XIRP2: variants seen among roughly 807,000 people sequenced by gnomAD.
The protein encoded by XIRP2 is xin actin-binding repeat-containing protein 2.
In XIRP2, 236 loss-of-function variants were observed where a neutral mutation model predicts 277.0. The ratio of observed to expected loss-of-function variants is 0.85; its 90% CI spans 0.77 to 0.95. The LOEUF is 0.95. Among genes scored for constraint, XIRP2 ranks in the 40% least tolerant of loss-of-function variants. XIRP2 has a pLI of 0.00. For synonymous variants in XIRP2, 1,490 were observed against 1,416.5 expected, an observed-to-expected ratio of 1.05 and a Z score of -1.17; for missense variants, 4,640 against 4,157.5, an observed-to-expected ratio of 1.12 and a Z score of -3.19.
chr2:167,050,477 T>C (rs1574205202), intron 2 of XIRP2, among the ~76,000 whole-genome samples: 1 of 152,112 alleles, frequency 6.6e-6, no homozygotes, highest in East Asian at 1.9e-4. Context: ...GCCCAGAGTA[T>C]GAAAATTGGA....
intron 3 of XIRP2, among the ~76,000 whole-genome samples, chr2:167,136,348 A>G (rs1265943802): frequency 2.0e-5 from 3 of 152,204 alleles, no homozygotes; most frequent in Non-Finnish European, 4.4e-5. Flanking sequence ...GCACTTGACC[A>G]TAATCTGACT....
rs150164049 is a variant in XIRP2 at position 167,218,952 on chromosome 2, A to T, written c.858+652A>T. ...CAGACTTTGAAAAATGTTAATAGTAATTACACTGTAAACAGGTGTACTTAG... is the reference window on the plus strand; with the variant it reads ...CAGACTTTGAAAAATGTTAATAGTATTTACACTGTAAACAGGTGTACTTAG... On this transcript the variant is annotated intron_variant, in intron 5 of 10. Coordinates refer to ENST00000409195, the MANE Select transcript of XIRP2 (RefSeq NM_152381.6). 5.5e-4 allele frequency among the ~76,000 whole-genome samples: 84 copies of T among 152,300 alleles called. 1 individual carries two copies. The highest frequency in any genetic ancestry group is 1.9e-3 in the African/African-American group (80 of 41,554).
chr2:166,922,815 C>T (rs1685088685), intron 2 of XIRP2, among the ~76,000 whole-genome samples: 2 of 149,812 alleles, frequency 1.3e-5, no homozygotes, highest in Non-Finnish European at 3.0e-5. Flanking sequence ...TCTTTTCTTT[C>T]CTTCCTTTTT....
At chr2:167,174,378 C>T (rs185421541) in intron 3 of XIRP2, among the ~76,000 whole-genome samples, 24 of 152,294 alleles carry the variant, frequency 1.6e-4, no homozygotes. Context: ...TCCATTTCAT[C>T]TAGATTTTTT....
At chr2:167,031,807 C>A (rs1244723875) in intron 2 of XIRP2, among the ~76,000 whole-genome samples, 1 of 151,848 alleles carries the variant, frequency 6.6e-6, no homozygotes, top group East Asian at 1.9e-4. Context: ...TAAGAGAGGA[C>A]ACAAACAAAT....
chr2:167,235,399 A>AT (rs1012208576), intron 5 of XIRP2, among the ~76,000 whole-genome samples: 58 of 152,060 alleles, frequency 3.8e-4, no homozygotes, highest in African/African-American at 1.3e-3. Flanking sequence ...TGGAATCTCA[A>AT]TTTTGAAAGC....
At chr2:166,914,990 T>G (rs1684822182) in intron 2 of XIRP2, among the ~76,000 whole-genome samples, 1 of 152,052 alleles carries the variant, frequency 6.6e-6, no homozygotes, top group Non-Finnish European at 1.5e-5. Flanking sequence ...TATTTGTTTG[T>G]TTGTTTTTTA....
At chr2:167,082,763 G>A (rs1044344633) in intron 2 of XIRP2, among the ~76,000 whole-genome samples, 2 of 152,080 alleles carry the variant, frequency 1.3e-5, no homozygotes, top group African/African-American at 2.4e-5. Context: ...GTCTGTTCAT[G>A]TCCTTCACCC....
Position 167,259,606 on chromosome 2 carries a change from A to G in XIRP2, c.*1789A>G, listed in dbSNP as rs1215226982. ...ATGAAACACTATGGATATGTTTTCCATTCAAATGGCACTTTAGCATATTGT... is the reference window on the plus strand; with the variant it reads ...ATGAAACACTATGGATATGTTTTCCGTTCAAATGGCACTTTAGCATATTGT... On this transcript the variant is annotated 3_prime_UTR_variant, in exon 11 of 11. Coordinates refer to ENST00000409195, the MANE Select transcript of XIRP2 (RefSeq NM_152381.6). 3 of 392,266 alleles carry G rather than the reference A, an allele frequency of 7.6e-6. No individual in the cohort carries two copies. Among genetic ancestry groups the G allele is most frequent in the Non-Finnish European group, 1.4e-5 (3 of 213,270 alleles). The allele number at this position is 392,266 out of a possible 1,614,324, so 24.3% of individuals were successfully genotyped here.
intron 1 of XIRP2, among the ~76,000 whole-genome samples, chr2:166,902,645 AT>A (rs913312033): frequency 1.5e-4 from 23 of 151,562 alleles, no homozygotes; most frequent in Admixed American, 6.6e-4. Context: ...ACACTTTGCC[AT>A]TTTTTTTCTT....
intron 2 of XIRP2, among the ~76,000 whole-genome samples, chr2:166,994,428 GTAAC>G (rs1459847926): frequency 2.3e-5 from 3 of 130,532 alleles, no homozygotes; most frequent in East Asian, 2.8e-4. Flanking sequence ...GTATACATAT[GTAAC>G]TAACCTGCAC....
chr2:167,244,706 C>A lies in XIRP2; in HGVS notation c.3314C>A (p.Ser1105Tyr). The A allele has an allele frequency of 1.9e-6, 3 of 1,613,218 alleles. No homozygotes were observed. The highest frequency in any genetic ancestry group is 2.5e-6 in the Non-Finnish European group (3 of 1,179,630). ...CTTTTTGAGACCCAGCCAATGGAGTCTCTTTATGAAAAAGTTTCGTTAATG... is the reference window on the plus strand; with the variant it reads ...CTTTTTGAGACCCAGCCAATGGAGTATCTTTATGAAAAAGTTTCGTTAATG... ...KWLFETQPMESLYEKVSLMTS... is the reference protein window; with the variant it reads ...KWLFETQPMEYLYEKVSLMTS... The change falls in exon 9 of 11, where the codon TCT becomes TAT. Residue 1105 changes from serine to tyrosine, a missense_variant. Transcript: ENST00000409195.
chr2:167,017,404 A>G (rs564710027), intron 2 of XIRP2, among the ~76,000 whole-genome samples: 8 of 152,064 alleles, frequency 5.3e-5, no homozygotes, highest in African/African-American at 1.9e-4. Context: ...CTCTCTGTCA[A>G]CACTGTGTAA....
chr2:167,209,422 G>A (rs1325539688), intron 3 of XIRP2, among the ~76,000 whole-genome samples: 1 of 152,066 alleles, frequency 6.6e-6, no homozygotes, highest in East Asian at 1.9e-4. Context: ...AGTTGAGGGA[G>A]GAGAGAGGAA....
At chr2:167,254,288 A>T in intron 10 of XIRP2, 123 bp downstream of exon 10, 1 of 1,167,158 alleles carries the variant, frequency 8.6e-7, no homozygotes, top group Non-Finnish European at 1.1e-6. Context: ...ACACAACCAC[A>T]CAGGGAGATT....
rs1026108000 is a variant in XIRP2 at position 166,912,584 on chromosome 2, G to A, written c.408+8694G>A. ...TCCTCTAGCTTGGAGAAGTTTGATC[G>A]TCTGAAGCCTTCTTCTCTCAACTCG... is the stretch of plus-strand genomic sequence containing the variant. On this transcript the variant is annotated intron_variant, in intron 2 of 10. Transcript: ENST00000409195. 1.1e-4 allele frequency among the ~76,000 whole-genome samples: 17 copies of A among 152,066 alleles called. No individual in the cohort carries two copies. The East Asian group carries it at 1.2e-3, about 10-fold the overall frequency.
At chr2:167,145,315 C>T (rs1447851204) in intron 3 of XIRP2, among the ~76,000 whole-genome samples, 1 of 151,994 alleles carries the variant, frequency 6.6e-6, no homozygotes, top group African/African-American at 2.4e-5. Flanking sequence ...AAATTTTCCC[C>T]ACCAAATGGA....
At chr2:166,999,546 A>C (rs1200687438) in intron 2 of XIRP2, among the ~76,000 whole-genome samples, 3 of 152,086 alleles carry the variant, frequency 2.0e-5, no homozygotes, top group African/African-American at 7.2e-5. Flanking sequence ...TTGACTGATA[A>C]ATTTAATGTT....
chr2:166,964,518 CA>C (rs1686376813), intron 2 of XIRP2, among the ~76,000 whole-genome samples: 1 of 151,774 alleles, frequency 6.6e-6, no homozygotes, highest in Non-Finnish European at 1.5e-5. Flanking sequence ...TGATTTTGGA[CA>C]AGGAGTGAAA....
Sources: allele counts gnomAD v4.1 joint callset (sites outside exome capture counted in the v4.1 genomes callset), GRCh38; gene constraint gnomAD v4.1.1; transcripts MANE v1.5; gene names NCBI Gene and HGNC (gene_info 2026-07-23, HGNC 2026-07-21).